The following FSTL5 variants were observed in gnomAD, a reference collection of about 807,000 sequenced individuals.
FSTL5 encodes the protein follistatin-related protein 5.
A neutral mutation model predicts 89.1 loss-of-function variants in FSTL5; 62 were observed. That is an observed-to-expected ratio of 0.70 (90% confidence interval 0.57 to 0.86). The LOEUF (loss-of-function observed/expected upper bound fraction) is 0.86, where lower values mean the gene tolerates loss of function less well. Ranked by LOEUF, FSTL5 falls within the 40% of genes least tolerant of loss-of-function variation. The pLI is 0.00. For missense variants in FSTL5, 1,057 were observed against 1,001.6 expected (o/e 1.06, Z -0.75); for synonymous variants, 383 against 346.2 (o/e 1.11, Z -1.18).
intron 1 of FSTL5, among the ~76,000 whole-genome samples, chr4:162,128,474 T>C (rs1732169388): frequency 1.3e-5 from 2 of 152,168 alleles, no homozygotes; most frequent in South Asian, 4.1e-4. Context: ...CCTTCCACCA[T>C]GTGAGTACAT....
chr4:161,806,629 T>G (rs923139428), intron 4 of FSTL5, among the ~76,000 whole-genome samples: 1 of 152,286 alleles, frequency 6.6e-6, no homozygotes, highest in East Asian at 1.9e-4. Context: ...AGATAGTCAG[T>G]AGAAAACAAG....
At chr4:161,982,930 A>G (rs900435632) in intron 3 of FSTL5, among the ~76,000 whole-genome samples, 3 of 152,184 alleles carry the variant, frequency 2.0e-5, no homozygotes, top group African/African-American at 4.8e-5. Context: ...TATACTATGC[A>G]TCTCCTAGGT....
chr4:162,069,173 T>A (rs1729490713), intron 2 of FSTL5, among the ~76,000 whole-genome samples: 1 of 151,812 alleles, frequency 6.6e-6, no homozygotes, highest in African/African-American at 2.4e-5. Flanking sequence ...GTCCTTTGAT[T>A]TTCTATAACA....
intron 4 of FSTL5, among the ~76,000 whole-genome samples, chr4:161,871,474 T>C (rs1203786500): frequency 6.6e-6 from 1 of 152,148 alleles, no homozygotes; most frequent in East Asian, 1.9e-4. Context: ...TTAATTTCTC[T>C]GAATTTTCAA....
chr4:161,878,646 T>G (rs1238615088), intron 4 of FSTL5, among the ~76,000 whole-genome samples: 1 of 151,990 alleles, frequency 6.6e-6, no homozygotes, highest in Admixed American at 6.5e-5. Context: ...ATAAGGGTAA[T>G]AAGGTCTGAT....
chr4:161,599,869 T>C (rs536303198), intron 7 of FSTL5, among the ~76,000 whole-genome samples: 1 of 152,056 alleles, frequency 6.6e-6, no homozygotes, highest in African/African-American at 2.4e-5. Context: ...ATTGTGCACA[T>C]GTACTCCAGA....
rs1028571190 is a variant in FSTL5, at chr4:161,815,406, T to C, written c.410-39332A>G. On this transcript the variant is annotated intron_variant, in intron 4 of 15. Transcript: ENST00000306100. ...CACTTGGAGAGAGAGAGAGACAATATTTAATTAAGAAAATATTTGTATCCT... is the reference window on the plus strand; with the variant it reads ...CACTTGGAGAGAGAGAGAGACAATACTTAATTAAGAAAATATTTGTATCCT... Among the ~76,000 whole-genome samples the C allele has an allele frequency of 2.6e-5, 4 of 152,110 alleles. No individual in the cohort carries two copies. The South Asian group carries it at 6.2e-4, about 24-fold the overall frequency.
chr4:161,924,009 C>T lies in FSTL5; in HGVS notation c.161-3357G>A, dbSNP rs540678205. ...GACAGTAATTATCCATGACTAATGCCGAACTTAAGTTTCAGCTGAGATTAA... is the reference window on the plus strand; with the variant it reads ...GACAGTAATTATCCATGACTAATGCTGAACTTAAGTTTCAGCTGAGATTAA... On this transcript the variant is annotated intron_variant, in intron 3 of 15. Transcript: ENST00000306100. 2.6e-5 allele frequency among the ~76,000 whole-genome samples: 4 copies of T among 151,696 alleles called. No homozygotes were observed. The South Asian group carries it at 6.2e-4, about 24-fold the overall frequency.
At chr4:161,769,585 G>T (rs1741137624) in intron 5 of FSTL5, among the ~76,000 whole-genome samples, 1 of 151,852 alleles carries the variant, frequency 6.6e-6, no homozygotes, top group Admixed American at 6.6e-5. Flanking sequence ...AGAGCAAAAA[G>T]CATATAATCT....
chr4:161,590,887 A>G (rs1230062556), intron 7 of FSTL5, among the ~76,000 whole-genome samples: 1 of 152,224 alleles, frequency 6.6e-6, no homozygotes, highest in Non-Finnish European at 1.5e-5. Context: ...TTCATTATGT[A>G]CTACCCCAAA....
chr4:161,633,923 T>C (rs920020181), intron 7 of FSTL5, among the ~76,000 whole-genome samples: 2 of 152,212 alleles, frequency 1.3e-5, no homozygotes, highest in South Asian at 4.1e-4. Context: ...AAGTTTGTTA[T>C]GTTAAACACA....
intron 3 of FSTL5, among the ~76,000 whole-genome samples, chr4:162,004,600 T>C (rs761944442): frequency 6.6e-6 from 1 of 152,200 alleles, no homozygotes; most frequent in Non-Finnish European, 1.5e-5. Flanking sequence ...TATTATCATA[T>C]CAAGTACGTA....
At chr4:161,551,269 T>C (rs955132820) in intron 8 of FSTL5, among the ~76,000 whole-genome samples, 9 of 149,494 alleles carry the variant, frequency 6.0e-5, no homozygotes, top group African/African-American at 2.2e-4. Flanking sequence ...TTTTAATGAT[T>C]GCCATTCTAA....
At chr4:161,746,820 G>T (rs1477094621) in intron 6 of FSTL5, among the ~76,000 whole-genome samples, 2 of 151,536 alleles carry the variant, frequency 1.3e-5, no homozygotes, top group African/African-American at 2.4e-5. Flanking sequence ...TTCCTCCTAA[G>T]CCTCTTTTTT....
At chr4:161,919,981 G>A (rs765429678) in intron 4 of FSTL5, among the ~76,000 whole-genome samples, 7 of 152,116 alleles carry the variant, frequency 4.6e-5, no homozygotes, top group Admixed American at 2.6e-4. Flanking sequence ...GAATTATGTG[G>A]TGCAAACTGA....
At chr4:161,424,580 T>C (rs1445644073) in intron 15 of FSTL5, among the ~76,000 whole-genome samples, 3 of 152,114 alleles carry the variant, frequency 2.0e-5, no homozygotes, top group African/African-American at 7.2e-5. Flanking sequence ...TCTATCTCTT[T>C]TTATATTTTT....
At chr4:161,527,685 A>G (rs1731272648) in intron 10 of FSTL5, among the ~76,000 whole-genome samples, 1 of 151,702 alleles carries the variant, frequency 6.6e-6, no homozygotes, top group East Asian at 1.9e-4. Context: ...GAACACTTTT[A>G]CACTGTTGGT....
chr4:162,086,307 C>A (rs534915539), intron 2 of FSTL5, among the ~76,000 whole-genome samples: 2 of 151,898 alleles, frequency 1.3e-5, no homozygotes, highest in Admixed American at 6.6e-5. Flanking sequence ...CTCATTCCCC[C>A]CTCCTTTCTC....
Position 161,977,639 on chromosome 4 carries a change from A to AAAAAAAAT in FSTL5, c.160+55985_160+55986insATTTTTTT, listed in dbSNP as rs1553988132. 2.1e-3 allele frequency among the ~76,000 whole-genome samples: 212 copies of AAAAAAAAT among 101,098 alleles called. 2 individuals carry two copies. Among genetic ancestry groups the AAAAAAAAT allele is most frequent in the Middle Eastern group, 5.0e-3 (1 of 200 alleles). The allele number at this position is 101,098 out of a possible 152,430, so 66.3% of individuals were successfully genotyped here. A position where few individuals can be genotyped will look rare whatever the true frequency, so the allele number is the denominator to read the frequency against. On this transcript the variant is annotated intron_variant, in intron 3 of 15. Transcript: ENST00000306100. Reference sequence around the variant, plus strand: ...AAAAAAAAAAAAAAAAAAAAAAAAAAAATAATAATAATAATAATAATAATA... The same window carrying AAAAAAAAT: ...AAAAAAAAAAAAAAAAAAAAAAAAAAAAAAAAATAATAATAATAATAATAATAATAATA...
Sources: allele counts gnomAD v4.1 joint callset (sites outside exome capture counted in the v4.1 genomes callset), GRCh38; gene constraint gnomAD v4.1.1; transcripts MANE v1.5; gene names NCBI Gene and HGNC (gene_info 2026-07-23, HGNC 2026-07-21).